Variants in MAST4 observed in about 807,000 individuals in gnomAD.
The protein encoded by MAST4 is microtubule associated serine/threonine kinase family member 4.
Under a neutral mutation model 162.7 loss-of-function variants are expected in MAST4, and 89 were observed. The observed-to-expected ratio is 0.55, with a 90% confidence interval of 0.46 to 0.65. The LOEUF (loss-of-function observed/expected upper bound fraction) is 0.65, where lower values mean the gene tolerates loss of function less well. Among genes scored for constraint, MAST4 ranks in the 30% least tolerant of loss-of-function variants. MAST4 has a pLI of 0.00. For missense variants in MAST4, 3,153 were observed against 3,374.0 expected (o/e 0.93, Z 1.62); for synonymous variants, 1,479 against 1,361.1 (o/e 1.09, Z -1.91).
chr5:67,061,717 G>C (rs1759629219), intron 5 of MAST4, among the ~76,000 whole-genome samples: 1 of 149,782 alleles, frequency 6.7e-6, no homozygotes, highest in Admixed American at 6.7e-5. Context: ...CCCTCTTTCT[G>C]CTTAACAAGT....
At chr5:67,147,217 G>A (rs1447200833) in intron 23 of MAST4, among the ~76,000 whole-genome samples, 5 of 152,092 alleles carry the variant, frequency 3.3e-5, no homozygotes, top group African/African-American at 7.2e-5. Context: ...AGGCCTTGGG[G>A]GCTGTGCAGA....
intron 4 of MAST4, among the ~76,000 whole-genome samples, chr5:67,009,208 C>G (rs60033760): frequency 0.49 from 74,995 of 152,004 alleles, 19,773 homozygotes; most frequent in East Asian, 0.69. Flanking sequence ...CACATATAAG[C>G]TCAGTGAGTA....
At chr5:67,042,871 G>A (rs2080102622) in intron 4 of MAST4, among the ~76,000 whole-genome samples, 2 of 152,218 alleles carry the variant, frequency 1.3e-5, no homozygotes, top group African/African-American at 4.8e-5. Flanking sequence ...GAGCTCTGGT[G>A]TCGGTTTCTT....
intron 4 of MAST4, among the ~76,000 whole-genome samples, chr5:66,921,559 C>G (rs539657816): frequency 1.3e-5 from 2 of 152,262 alleles, no homozygotes; most frequent in South Asian, 4.1e-4. Flanking sequence ...GAATTCGAGA[C>G]CAGCCTGGCC....
rs1016408623 is a variant in MAST4, at chr5:67,105,337, G to A, written c.1356+762G>A. Among the ~76,000 whole-genome samples, 4 of 152,156 alleles carry A rather than the reference G, an allele frequency of 2.6e-5. No homozygotes were observed. In the East Asian group the frequency reaches 5.8e-4, roughly 22 times the overall value. On this transcript the variant is annotated intron_variant, in intron 10 of 28. Transcript: ENST00000403625. Reference sequence around the variant, plus strand: ...ATTATAGATAGTTTTCTCTAGACATGAATATGTAAATAATTGCAGAAAACT... The same window carrying A: ...ATTATAGATAGTTTTCTCTAGACATAAATATGTAAATAATTGCAGAAAACT...
At chr5:66,697,922 C>A (rs1391560984) in intron 1 of MAST4, among the ~76,000 whole-genome samples, 1 of 152,108 alleles carries the variant, frequency 6.6e-6, no homozygotes, top group African/African-American at 2.4e-5. Context: ...CTGCTGCTGT[C>A]CTAAGCTAAG....
At chr5:66,767,065 C>T (rs1433481747) in intron 2 of MAST4, among the ~76,000 whole-genome samples, 3 of 152,056 alleles carry the variant, frequency 2.0e-5, no homozygotes, top group Non-Finnish European at 2.9e-5. Flanking sequence ...GAGGAGAAAC[C>T]CTTCTGACTT....
intron 1 of MAST4, among the ~76,000 whole-genome samples, chr5:66,678,214 A>ATAGAAG: frequency 6.6e-6 from 1 of 151,962 alleles, no homozygotes; most frequent in Non-Finnish European, 1.5e-5. Context: ...AGTTGAACTC[A>ATAGAAG]CAGAAGCAGA....
At chr5:66,749,987 C>A (rs1753034138) in intron 1 of MAST4, among the ~76,000 whole-genome samples, 1 of 152,092 alleles carries the variant, frequency 6.6e-6, no homozygotes, top group East Asian at 1.9e-4. Flanking sequence ...TATTGGGTGG[C>A]AGGGATGAGA....
chr5:67,141,870 C>A (rs939813007), intron 19 of MAST4, among the ~76,000 whole-genome samples: 1 of 152,048 alleles, frequency 6.6e-6, no homozygotes, highest in African/African-American at 2.4e-5. Flanking sequence ...TGGAGGAAGT[C>A]ATGGAAAAAA....
chr5:66,711,175 C>T (rs970881269), intron 1 of MAST4, among the ~76,000 whole-genome samples: 1 of 152,184 alleles, frequency 6.6e-6, no homozygotes, highest in Non-Finnish European at 1.5e-5. Context: ...ATAGTTTATT[C>T]TTTCTCATTT....
intron 4 of MAST4, among the ~76,000 whole-genome samples, chr5:67,005,747 A>G (rs925700129): frequency 6.6e-5 from 10 of 152,242 alleles, no homozygotes; most frequent in African/African-American, 2.4e-4. Flanking sequence ...GAGTTTGCTG[A>G]CACTTGTGTT....
At position 67,166,100 on chromosome 5, in the gene MAST4, G is replaced by C. The variant is rs989050216; in HGVS notation, c.6921G>C (p.Pro2307=). Residue 2307 remains proline, a synonymous_variant, in exon 29 of 29, where the codon CCG becomes CCC. Coordinates refer to ENST00000403625, the MANE Select transcript of MAST4 (RefSeq NM_001164664.2). ...VLEKPVHLPR[P]GHPGPSEPAD... is the part of the protein sequence containing the mutation. The stretch of plus-strand genomic sequence containing the variant: ...AGAAGCCTGTGCATTTGCCAAGGCC[G>C]GGACACCCAGGGCCTAGTGAGCCAG... The C allele has an allele frequency of 3.7e-6, 6 of 1,611,298 alleles. No individual in the cohort carries two copies. The African/African-American group carries it at 6.7e-5, about 18-fold the overall frequency.
intron 12 of MAST4, among the ~76,000 whole-genome samples, chr5:67,115,263 C>T (rs539625045): frequency 6.6e-6 from 1 of 152,176 alleles, no homozygotes; most frequent in African/African-American, 2.4e-5. Flanking sequence ...AAAAACTATC[C>T]TTGACTCCTT....
At chr5:67,015,424 A>G (rs2150365729) in intron 4 of MAST4, among the ~76,000 whole-genome samples, 1 of 152,284 alleles carries the variant, frequency 6.6e-6, no homozygotes, top group Middle Eastern at 3.4e-3. Context: ...AGAAACTAAC[A>G]TGTTTGGAGG....
chr5:66,596,611 G>A lies in MAST4; in HGVS notation c.-45G>A, dbSNP rs761472649. 1.4e-6 allele frequency: 2 copies of A among 1,389,794 alleles called. No homozygotes were observed. Among genetic ancestry groups the A allele is most frequent in the Non-Finnish European group, 1.9e-6 (2 of 1,075,458 alleles). The allele number at this position is 1,389,794 out of a possible 1,614,324, so 86.1% of individuals were successfully genotyped here. A position where few individuals can be genotyped will look rare whatever the true frequency, so the allele number is the denominator to read the frequency against. On this transcript the variant is annotated 5_prime_UTR_variant, in exon 1 of 29. Transcript: ENST00000403625. ...CTTCCCCGGGAGGCGCTGAGTGCGC[G>A]CCGCGCCCCCGCCGCTCGGGAGGCA... is the stretch of plus-strand genomic sequence containing the variant.
intron 4 of MAST4, among the ~76,000 whole-genome samples, chr5:66,910,679 C>G (rs1038533870): frequency 2.6e-5 from 4 of 151,414 alleles, no homozygotes; most frequent in African/African-American, 9.7e-5. Flanking sequence ...GGGACCTCAC[C>G]CTCTGAGTAT....
chr5:66,606,556 T>G (rs13355561), intron 1 of MAST4, among the ~76,000 whole-genome samples: 2,676 of 152,268 alleles, frequency 0.018, 73 homozygotes, highest in African/African-American at 0.062. Context: ...TTTTTGGAGG[T>G]TTGTGCTGCA....
At chr5:66,887,845 C>G (rs890535084) in intron 3 of MAST4, among the ~76,000 whole-genome samples, 4 of 152,160 alleles carry the variant, frequency 2.6e-5, no homozygotes, top group Admixed American at 6.6e-5. Flanking sequence ...AGCAGAGAAT[C>G]TTACCTTAAC....
Sources: gnomAD v4.1 joint callset for allele counts (sites outside exome capture counted in the v4.1 genomes callset) on GRCh38, gnomAD v4.1.1 for gene constraint, MANE v1.5 for transcripts, NCBI Gene and HGNC (gene_info 2026-07-23, HGNC 2026-07-21) for gene names.